The following DCLK1 variants were observed in gnomAD, a reference collection of about 807,000 sequenced individuals.
The protein encoded by DCLK1 is doublecortin like kinase 1.
DCLK1 carries 16 observed loss-of-function variants against 86.2 expected under a neutral mutation model. The ratio of observed to expected loss-of-function variants is 0.19; its 90% CI spans 0.13 to 0.28. The LOEUF (loss-of-function observed/expected upper bound fraction) is 0.28. Ranked by LOEUF, DCLK1 falls within the 10% of genes least tolerant of loss-of-function variation. The pLI is 1.00. For missense variants in DCLK1, 590 were observed against 940.2 expected, an observed-to-expected ratio of 0.63 and a Z score of 4.87; for synonymous variants, 369 against 370.5, an observed-to-expected ratio of 1.00 and a Z score of 0.05.
At chr13:35,971,045 C>A (rs1235207198) in intron 3 of DCLK1, among the ~76,000 whole-genome samples, 1 of 152,132 alleles carries the variant, frequency 6.6e-6, no homozygotes, top group African/African-American at 2.4e-5. Flanking sequence ...CAGGCAAGAG[C>A]AGATGCCCCA....
chr13:36,103,858 G>A (rs1471264569), intron 3 of DCLK1, among the ~76,000 whole-genome samples: 1 of 152,064 alleles, frequency 6.6e-6, no homozygotes, highest in Admixed American at 6.5e-5. Context: ...TTATATCCAT[G>A]GGACATATTG....
chr13:35,893,075 T>C (rs1398683535), intron 4 of DCLK1, among the ~76,000 whole-genome samples: 3 of 152,234 alleles, frequency 2.0e-5, no homozygotes, highest in Non-Finnish European at 4.4e-5. Flanking sequence ...CCTGGACACA[T>C]AGGCGGAGCC....
intron 3 of DCLK1, among the ~76,000 whole-genome samples, chr13:36,087,994 A>C (rs930945055): frequency 6.6e-6 from 1 of 152,162 alleles, no homozygotes; most frequent in African/African-American, 2.4e-5. Flanking sequence ...TCTAAACAAC[A>C]ATGTTTTTTA....
intron 3 of DCLK1, among the ~76,000 whole-genome samples, chr13:36,053,905 T>C (rs577987026): frequency 5.3e-4 from 80 of 152,188 alleles, no homozygotes; most frequent in African/African-American, 1.8e-3. Context: ...GAGAGGAAGC[T>C]ACCTGACACA....
At chr13:35,940,988 T>G (rs1387535252) in intron 4 of DCLK1, among the ~76,000 whole-genome samples, 6 of 152,118 alleles carry the variant, frequency 3.9e-5, no homozygotes, top group African/African-American at 7.2e-5. Context: ...GAATGTGCTT[T>G]GACATTTATT....
rs1368441963 is a variant in DCLK1, at chr13:35,860,318, G to A, written c.941-5725C>T. 2.0e-5 allele frequency among the ~76,000 whole-genome samples: 3 copies of A among 151,364 alleles called. No homozygotes were observed. The East Asian group carries it at 5.8e-4, about 29-fold the overall frequency. The stretch of plus-strand genomic sequence containing the variant: ...TTGAGAAGGAAAAAAAATGCAGGGG[G>A]TGGGGGGTGCATAGGGAATCAGTTG... On this transcript the variant is annotated intron_variant, in intron 5 of 16. Transcript: ENST00000360631.
chr13:35,958,131 A>ACGGTAACCATCACCACCATCACTG (rs1555352811), intron 3 of DCLK1, among the ~76,000 whole-genome samples: 1 of 49,692 alleles, frequency 2.0e-5, no homozygotes, highest in Non-Finnish European at 5.2e-5. Context: ...CACTACCACT[A>ACGGTAACCATCACCACCATCACTG]CTATAACCAC....
chr13:35,903,119 C>T (rs897087249), intron 4 of DCLK1, among the ~76,000 whole-genome samples: 24 of 152,172 alleles, frequency 1.6e-4, no homozygotes, highest in African/African-American at 5.3e-4. Flanking sequence ...AAATGAAGCA[C>T]CAAACCTGAA....
chr13:35,847,010 T>A (rs1371839008), intron 6 of DCLK1: 19 of 985,266 alleles, frequency 1.9e-5, no homozygotes, highest in Non-Finnish European at 2.3e-5. Flanking sequence ...CTTGACAATC[T>A]GCAACTGTAT....
chr13:36,063,267 T>C (rs1354022740), intron 3 of DCLK1, among the ~76,000 whole-genome samples: 2 of 152,182 alleles, frequency 1.3e-5, no homozygotes, highest in South Asian at 4.1e-4. Flanking sequence ...ATGACCATTC[T>C]GGAGGTCCAG....
At chr13:36,033,410 A>C (rs1241847529) in intron 3 of DCLK1, among the ~76,000 whole-genome samples, 1 of 152,180 alleles carries the variant, frequency 6.6e-6, no homozygotes, top group Admixed American at 6.5e-5. Flanking sequence ...TTAAAATCGC[A>C]TAATATATAG....
rs150324103 is a variant in DCLK1, at chr13:36,111,908, C to A, written c.684G>T (p.Ser228=). 1.2e-6 allele frequency: 2 copies of A among 1,614,118 alleles called. No individual in the cohort carries two copies. The highest frequency in any genetic ancestry group is 2.7e-5 in the African/African-American group (2 of 75,054). The change falls in exon 3 of 17, where the codon TCG becomes TCT. Residue 228 remains serine (S), a synonymous_variant. Transcript: ENST00000360631. The stretch of plus-strand genomic sequence containing the variant: ...ACGTGTACAGGCGTTTCACCACTCC[C>A]GAGTCCAGCTTGATGGCATCGGTGA... ...TDITDAIKLD[S]GVVKRLYTLD... is the part of the protein sequence containing the mutation.
chr13:35,834,586 A>C (rs1041069908), intron 8 of DCLK1, among the ~76,000 whole-genome samples: 9 of 152,252 alleles, frequency 5.9e-5, no homozygotes, highest in African/African-American at 2.4e-5. Flanking sequence ...CTTTGTAGAT[A>C]GTTTATGCTC....
At chr13:35,898,814 T>C (rs1874167395) in intron 4 of DCLK1, among the ~76,000 whole-genome samples, 1 of 152,148 alleles carries the variant, frequency 6.6e-6, no homozygotes, top group African/African-American at 2.4e-5. Flanking sequence ...CGATCTCGGC[T>C]CACAGCAACC....
chr13:35,795,634 A>G (rs2153099989), intron 15 of DCLK1, among the ~76,000 whole-genome samples: 1 of 152,272 alleles, frequency 6.6e-6, no homozygotes, highest in South Asian at 2.1e-4. Flanking sequence ...TAATATGGTG[A>G]ATGAGGCCAA....
intron 16 of DCLK1, among the ~76,000 whole-genome samples, chr13:35,777,759 AT>A (rs1216336029): frequency 3.3e-5 from 5 of 152,260 alleles, no homozygotes; most frequent in African/African-American, 1.2e-4. Context: ...AGCATTGAGG[AT>A]TCCCAACTGA....
chr13:35,968,455 A>G (rs1387126911), intron 3 of DCLK1, among the ~76,000 whole-genome samples: 1 of 152,142 alleles, frequency 6.6e-6, no homozygotes, highest in Non-Finnish European at 1.5e-5. Context: ...CTCCAGCAGA[A>G]TTCCCCTTAG....
At chr13:36,044,129 C>G (rs1036083007) in intron 3 of DCLK1, among the ~76,000 whole-genome samples, 18 of 152,154 alleles carry the variant, frequency 1.2e-4, no homozygotes, top group Admixed American at 1.2e-3. Flanking sequence ...CAATTTCCTT[C>G]CCCTCTCTTG....
chr13:35,920,418 A>T (rs1482437465), intron 4 of DCLK1, among the ~76,000 whole-genome samples: 3 of 152,246 alleles, frequency 2.0e-5, no homozygotes, highest in Non-Finnish European at 2.9e-5. Flanking sequence ...GAGAAAGCTC[A>T]GTAGTGTGTT....
Sources: allele counts gnomAD v4.1 joint callset (sites outside exome capture counted in the v4.1 genomes callset), GRCh38; gene constraint gnomAD v4.1.1; transcripts MANE v1.5; gene names NCBI Gene and HGNC (gene_info 2026-07-23, HGNC 2026-07-21).